SCFD1: variants seen among roughly 807,000 people sequenced by gnomAD.
SCFD1 encodes the protein sec1 family domain containing 1, also known as sec1 family domain-containing protein 1.
SCFD1 carries 37 observed loss-of-function variants against 103.2 expected under a neutral mutation model. The ratio of observed to expected loss-of-function variants is 0.36; its 90% CI spans 0.28 to 0.47. SCFD1 has a LOEUF of 0.47. Ranked by LOEUF, SCFD1 falls within the 20% of genes least tolerant of loss-of-function variation. The pLI is 1.00. For missense variants in SCFD1, 639 were observed against 761.2 expected, an observed-to-expected ratio of 0.84 and a Z score of 1.89; for synonymous variants, 264 against 245.0, an observed-to-expected ratio of 1.08 and a Z score of -0.73.
intron 7 of SCFD1, among the ~76,000 whole-genome samples, chr14:30,644,916 G>T (rs1359524084): frequency 1.3e-5 from 2 of 152,092 alleles, no homozygotes; most frequent in Admixed American, 6.6e-5. Context: ...GCCAAGGCCT[G>T]TGTTCAGAAT....
intron 17 of SCFD1, among the ~76,000 whole-genome samples, chr14:30,705,329 T>C (rs1891396225): frequency 6.6e-6 from 1 of 152,296 alleles, no homozygotes; most frequent in East Asian, 1.9e-4. Flanking sequence ...CAAGGGAGCA[T>C]AGAATGTAGG....
intron 19 of SCFD1, among the ~76,000 whole-genome samples, chr14:30,713,607 G>T (rs1188622563): frequency 6.6e-6 from 1 of 151,990 alleles, no homozygotes; most frequent in Non-Finnish European, 1.5e-5. Context: ...TGGAATATTG[G>T]TATGAATATT....
chr14:30,670,328 AAG>A lies in SCFD1; in HGVS notation c.932_933del (p.Arg311LysfsTer7). On this transcript the variant is annotated frameshift_variant, in exon 11 of 25. Coordinates refer to ENST00000458591, the MANE Select transcript of SCFD1 (RefSeq NM_016106.4). LOFTEE classifies it high-confidence loss of function. ...AAACTCTCCAGCTGGTGCTAGACCA[AAG>A]AGAAAAAACAAGAAGTCTTATGATT... Reference protein sequence around the residue: ...VENSPAGARPKRKNKKSYDLT... With the variant: ...VENSPAGARPXRKNKKSYDLT... 6.3e-7 allele frequency: 1 copy of A among 1,596,912 alleles called. No individual in the cohort carries two copies. Among genetic ancestry groups the A allele is most frequent in the Non-Finnish European group, 8.5e-7 (1 of 1,173,612 alleles).
chr14:30,634,423 TCA>T (rs1884500046), intron 4 of SCFD1, among the ~76,000 whole-genome samples: 1 of 152,190 alleles, frequency 6.6e-6, no homozygotes. Flanking sequence ...TTGTTGCTAA[TCA>T]TTTACCGTGC....
chr14:30,684,680 G>A (rs556857742), intron 14 of SCFD1, among the ~76,000 whole-genome samples: 23 of 144,894 alleles, frequency 1.6e-4, no homozygotes, highest in Admixed American at 2.8e-4. Context: ...TATATTCCAC[G>A]CATAGTGCTT....
At chr14:30,684,286 C>T (rs751165482) in intron 14 of SCFD1, among the ~76,000 whole-genome samples, 8 of 152,320 alleles carry the variant, frequency 5.3e-5, no homozygotes, top group Middle Eastern at 6.8e-3. Context: ...GCTGGGATTA[C>T]AGGTGCATGC....
intron 4 of SCFD1, among the ~76,000 whole-genome samples, chr14:30,636,584 T>C (rs867364187): frequency 5.6e-4 from 86 of 152,218 alleles, no homozygotes; most frequent in African/African-American, 1.9e-3. Flanking sequence ...TGCATTGATA[T>C]CTATGTCTTT....
intron 10 of SCFD1, among the ~76,000 whole-genome samples, chr14:30,669,115 A>G (rs1888298124): frequency 6.6e-6 from 1 of 152,100 alleles, no homozygotes; most frequent in Non-Finnish European, 1.5e-5. Flanking sequence ...TGGCAAGGAA[A>G]TAAACTATTA....
At chr14:30,675,658 A>G (rs895058206) in intron 14 of SCFD1, among the ~76,000 whole-genome samples, 4 of 152,244 alleles carry the variant, frequency 2.6e-5, no homozygotes, top group African/African-American at 9.6e-5. Flanking sequence ...TGTTCTCCAC[A>G]CTTGGAGCTG....
At chr14:30,731,526 G>A (rs1405134166) in intron 23 of SCFD1, among the ~76,000 whole-genome samples, 2 of 152,008 alleles carry the variant, frequency 1.3e-5, no homozygotes, top group African/African-American at 4.8e-5. Flanking sequence ...CTTTTACTTC[G>A]TTGAGCAGTG....
At position 30,691,734 on chromosome 14, in the gene SCFD1, C is replaced by T. The variant is rs187462346; in HGVS notation, c.1243-3039C>T. ...TTTTGTCACCTCAAAAAGAAACCCC[C>T]TACCTAGTACCAATCACATTAAGTT... On this transcript the variant is annotated intron_variant, in intron 14 of 24. Transcript: ENST00000458591. Among the ~76,000 whole-genome samples the T allele has an allele frequency of 3.3e-3, 508 of 152,264 alleles. 1 individual carries two copies. Among genetic ancestry groups the T allele is most frequent in the Non-Finnish European group, 6.1e-3 (417 of 68,008 alleles).
chr14:30,720,325 G>T (rs1892568864), intron 21 of SCFD1, among the ~76,000 whole-genome samples: 1 of 152,098 alleles, frequency 6.6e-6, no homozygotes, highest in South Asian at 2.1e-4. Context: ...TCTTCTAGGG[G>T]TGATAAAAAT....
At chr14:30,703,430 A>G (rs1287439052) in intron 17 of SCFD1, among the ~76,000 whole-genome samples, 4 of 151,422 alleles carry the variant, frequency 2.6e-5, no homozygotes, top group Non-Finnish European at 4.4e-5. Context: ...AAAACATGTA[A>G]TTACAGAGTT....
chr14:30,658,960 A>G (rs1038238224), intron 10 of SCFD1, among the ~76,000 whole-genome samples: 1 of 152,174 alleles, frequency 6.6e-6, no homozygotes, highest in Non-Finnish European at 1.5e-5. Context: ...GCAAATATAT[A>G]TTTTACTGTA....
intron 10 of SCFD1, among the ~76,000 whole-genome samples, chr14:30,668,313 T>A (rs1329934288): frequency 3.9e-5 from 6 of 152,186 alleles, no homozygotes; most frequent in Non-Finnish European, 7.3e-5. Flanking sequence ...GTTCCCTATT[T>A]AATAAATGGT....
intron 23 of SCFD1, among the ~76,000 whole-genome samples, chr14:30,727,897 A>T (rs1893164657): frequency 6.6e-6 from 1 of 152,136 alleles, no homozygotes; most frequent in South Asian, 2.1e-4. Flanking sequence ...GTGAGGAAAG[A>T]TGAAAAAAAA....
At chr14:30,633,721 A>G in intron 3 of SCFD1, among the ~76,000 whole-genome samples, 1 of 152,206 alleles carries the variant, frequency 6.6e-6, no homozygotes, top group Non-Finnish European at 1.5e-5. Flanking sequence ...TAAAAGTGTG[A>G]GCAGAATAGA....
intron 1 of SCFD1, among the ~76,000 whole-genome samples, chr14:30,626,628 A>G (rs1464108297): frequency 6.6e-6 from 1 of 152,156 alleles, no homozygotes; most frequent in African/African-American, 2.4e-5. Context: ...TCTCCTGCCC[A>G]GCGCATTGCC....
At chr14:30,724,012 C>CA (rs71112335) in intron 23 of SCFD1, among the ~76,000 whole-genome samples, 74,320 of 147,756 alleles carry the variant, frequency 0.5, 21,600 homozygotes, top group African/African-American at 0.79. Flanking sequence ...ATACTCCCAT[C>CA]GTGTTCCAAA....
Sources: gnomAD v4.1 joint callset for allele counts (sites outside exome capture counted in the v4.1 genomes callset) on GRCh38, gnomAD v4.1.1 for gene constraint, MANE v1.5 for transcripts, NCBI Gene and HGNC (gene_info 2026-07-23, HGNC 2026-07-21) for gene names.